The following TRIO variants were observed in gnomAD, a reference collection of about 807,000 sequenced individuals.
TRIO encodes triple functional domain protein.
In TRIO, 58 loss-of-function variants were observed where a neutral mutation model predicts 351.9. The ratio of observed to expected loss-of-function variants is 0.16; its 90% CI spans 0.13 to 0.21. The LOEUF is 0.21. Ranked by LOEUF, TRIO falls within the 10% of genes least tolerant of loss-of-function variation. The pLI is 1.00. For missense variants in TRIO, 3,201 were observed against 4,027.8 expected (o/e 0.79, Z 5.56); for synonymous variants, 1,758 against 1,595.7 (o/e 1.10, Z -2.42).
At chr5:14,493,927 C>T (rs1756684918) in intron 49 of TRIO, among the ~76,000 whole-genome samples, 1 of 152,198 alleles carries the variant, frequency 6.6e-6, no homozygotes, top group South Asian at 2.1e-4. Context: ...TTGCCTTAAG[C>T]CAAAGCCCAA....
chr5:14,159,137 A>G (rs1293208767), intron 1 of TRIO, among the ~76,000 whole-genome samples: 1 of 152,090 alleles, frequency 6.6e-6, no homozygotes, highest in Admixed American at 6.5e-5. Context: ...TTATGGAGGA[A>G]TTTGACTCAG....
At chr5:14,403,234 G>A (rs1403838580) in intron 31 of TRIO, among the ~76,000 whole-genome samples, 1 of 143,074 alleles carries the variant, frequency 7.0e-6, no homozygotes, top group East Asian at 2.1e-4. Context: ...TGAGGGTGTA[G>A]GTTGTGGTGA....
chr5:14,148,529 TTAC>T (rs1787648737), intron 1 of TRIO, among the ~76,000 whole-genome samples: 1 of 152,256 alleles, frequency 6.6e-6, no homozygotes, highest in Non-Finnish European at 1.5e-5. Flanking sequence ...GAGCTGTGTT[TTAC>T]TACAAAAAGC....
chr5:14,397,434 C>G (rs1273962145), intron 29 of TRIO: 5 of 328,546 alleles, frequency 1.5e-5, no homozygotes, highest in African/African-American at 1.1e-4. Flanking sequence ...CCTGTTCTCC[C>G]TGTTAGATGG....
chr5:14,410,889 T>A (rs1366342453), intron 33 of TRIO, among the ~76,000 whole-genome samples: 1 of 152,214 alleles, frequency 6.6e-6, no homozygotes, highest in Non-Finnish European at 1.5e-5. Context: ...TTTGAAAACA[T>A]CAGTTTTAAA....
intron 1 of TRIO, among the ~76,000 whole-genome samples, chr5:14,165,684 C>T (rs1044978148): frequency 6.6e-6 from 1 of 152,182 alleles, no homozygotes; most frequent in African/African-American, 2.4e-5. Context: ...AGGTCATTCT[C>T]AACCTTTCCT....
At chr5:14,400,861 C>T in intron 30 of TRIO, 102 bp from the exon 31 acceptor site, 2 of 1,007,486 alleles carry the variant, frequency 2.0e-6, no homozygotes, top group African/African-American at 1.6e-5. Context: ...TTCTTATAAC[C>T]TAACATGGCC....
At chr5:14,420,539 T>C (rs1403855378) in intron 34 of TRIO, 1 of 153,166 alleles carries the variant, frequency 6.5e-6, no homozygotes, top group Admixed American at 6.5e-5. Context: ...ATTAGGCTGT[T>C]GTTTCTCCAG....
chr5:14,154,572 C>A (rs910496170), intron 1 of TRIO, among the ~76,000 whole-genome samples: 1 of 152,166 alleles, frequency 6.6e-6, no homozygotes, highest in Admixed American at 6.5e-5. Context: ...GTGTGGGTTG[C>A]GTTCTCATCA....
intron 27 of TRIO, among the ~76,000 whole-genome samples, chr5:14,392,422 G>C (rs1452042405): frequency 6.6e-6 from 1 of 152,178 alleles, no homozygotes; most frequent in East Asian, 1.9e-4. Flanking sequence ...AAAAAGTCAG[G>C]AAACAACAGA....
In TRIO at chr5:14,143,891, A is replaced by C; in HGVS notation, c.157+9A>C. ...GGCCTTCTTCCGATCCGGTGAGTGCAACTGCGGCCGGCCCGCCCAGCGGCG... is the reference window on the plus strand; with the variant it reads ...GGCCTTCTTCCGATCCGGTGAGTGCCACTGCGGCCGGCCCGCCCAGCGGCG... On this transcript the variant is annotated intron_variant, in intron 1 of 56. Transcript: ENST00000344204. The C allele has an allele frequency of 9.3e-7, 1 of 1,075,254 alleles. No individual in the cohort carries two copies. Among genetic ancestry groups the C allele is most frequent in the Non-Finnish European group, 1.1e-6 (1 of 888,656 alleles). The allele number at this position is 1,075,254 out of a possible 1,614,324, so 66.6% of individuals were successfully genotyped here.
At chr5:14,193,387 T>C (rs934795010) in intron 1 of TRIO, among the ~76,000 whole-genome samples, 1 of 152,250 alleles carries the variant, frequency 6.6e-6, no homozygotes, top group African/African-American at 2.4e-5. Flanking sequence ...TAGTGGAATT[T>C]AATTTTATCT....
intron 1 of TRIO, among the ~76,000 whole-genome samples, chr5:14,247,664 A>T (rs1379057862): frequency 6.6e-6 from 1 of 152,200 alleles, no homozygotes; most frequent in Non-Finnish European, 1.5e-5. Context: ...TTGTTTTAGG[A>T]TGTTATAGTC....
chr5:14,417,059 A>G (rs1269838759), intron 33 of TRIO, among the ~76,000 whole-genome samples: 2 of 152,200 alleles, frequency 1.3e-5, no homozygotes, highest in African/African-American at 2.4e-5. Context: ...TGTTCCCGGA[A>G]CAGGAAGCAC....
chr5:14,458,928 TAACTCTTGTTTAAAAATAGAGTAA>T (rs1753570330), intron 34 of TRIO, among the ~76,000 whole-genome samples: 1 of 152,256 alleles, frequency 6.6e-6, no homozygotes, highest in East Asian at 1.9e-4. Flanking sequence ...AATGTTTTAG[TAACTCTTGTTTAAAAATAGAGTAA>T]ATATATGAGA....
intron 41 of TRIO, among the ~76,000 whole-genome samples, chr5:14,477,782 C>T (rs1408245895): frequency 1.3e-5 from 2 of 152,214 alleles, no homozygotes; most frequent in Non-Finnish European, 1.5e-5. Flanking sequence ...GATACCAGGT[C>T]ACAGACTTAG....
intron 35 of TRIO, among the ~76,000 whole-genome samples, chr5:14,461,562 C>G (rs941623818): frequency 1.8e-4 from 28 of 152,200 alleles, no homozygotes; most frequent in Non-Finnish European, 3.8e-4. Context: ...CAAAACAGAT[C>G]ACCATGCGCC....
intron 11 of TRIO, among the ~76,000 whole-genome samples, chr5:14,356,154 A>G (rs755586740): frequency 6.6e-6 from 1 of 152,242 alleles, no homozygotes; most frequent in African/African-American, 2.4e-5. Flanking sequence ...TTGGCCTGCT[A>G]TATTTTAAAT....
intron 1 of TRIO, among the ~76,000 whole-genome samples, chr5:14,256,181 C>A (rs912414105): frequency 2.0e-5 from 3 of 152,124 alleles, no homozygotes; most frequent in Non-Finnish European, 4.4e-5. Context: ...GAAGGGGGAA[C>A]TAGTGTCTCA....
Sources: gnomAD v4.1 joint callset for allele counts (sites outside exome capture counted in the v4.1 genomes callset) on GRCh38, gnomAD v4.1.1 for gene constraint, MANE v1.5 for transcripts, NCBI Gene and HGNC (gene_info 2026-07-23, HGNC 2026-07-21) for gene names.